The following CDC42BPA variants were observed in gnomAD, a reference collection of about 807,000 sequenced individuals.
CDC42BPA encodes CDC42 binding protein kinase alpha.
A neutral mutation model predicts 223.5 loss-of-function variants in CDC42BPA; 80 were observed. That is an observed-to-expected ratio of 0.36 (90% CI 0.30 to 0.43). The LOEUF is 0.43. Ranked by LOEUF, CDC42BPA falls within the 20% of genes least tolerant of loss-of-function variation. CDC42BPA has a pLI of 1.00. For missense variants in CDC42BPA, 1,743 were observed against 2,099.9 expected, an observed-to-expected ratio of 0.83 and a Z score of 3.32; for synonymous variants, 694 against 718.6, an observed-to-expected ratio of 0.97 and a Z score of 0.55.
chr1:227,241,258 G>A (rs1679965817), intron 2 of CDC42BPA, among the ~76,000 whole-genome samples: 1 of 151,938 alleles, frequency 6.6e-6, no homozygotes, highest in Non-Finnish European at 1.5e-5. Context: ...TATAAAAATG[G>A]TACAATCCAA....
chr1:227,098,869 A>G (rs1684473820), intron 15 of CDC42BPA, among the ~76,000 whole-genome samples: 1 of 152,020 alleles, frequency 6.6e-6, no homozygotes, highest in Non-Finnish European at 1.5e-5. Context: ...TTTTCTGCTC[A>G]GAATTCTACA....
chr1:227,145,151 T>A (rs541336459), intron 8 of CDC42BPA, among the ~76,000 whole-genome samples: 6 of 152,350 alleles, frequency 3.9e-5, no homozygotes, highest in Non-Finnish European at 8.8e-5. Context: ...TTTTATGGTT[T>A]TAGGGAGAAA....
At chr1:227,298,857 A>T (rs995623230) in intron 1 of CDC42BPA, among the ~76,000 whole-genome samples, 1 of 152,206 alleles carries the variant, frequency 6.6e-6, no homozygotes, top group Non-Finnish European at 1.5e-5. Flanking sequence ...ATAAAAAAGG[A>T]AAATTAATCA....
intron 1 of CDC42BPA, among the ~76,000 whole-genome samples, chr1:227,284,804 T>C (rs900275661): frequency 1.1e-4 from 17 of 151,628 alleles, no homozygotes; most frequent in African/African-American, 3.6e-4. Flanking sequence ...CTACCCAAAA[T>C]AGAAAAAATT....
chr1:227,114,047 A>T (rs1289448461), intron 12 of CDC42BPA, among the ~76,000 whole-genome samples: 1 of 150,456 alleles, frequency 6.6e-6, no homozygotes, highest in Non-Finnish European at 1.5e-5. Flanking sequence ...GAAGTGAAAA[A>T]ATATAAATGT....
chr1:227,249,358 G>C (rs915847874), intron 2 of CDC42BPA, among the ~76,000 whole-genome samples: 1 of 152,174 alleles, frequency 6.6e-6, no homozygotes, highest in African/African-American at 2.4e-5. Context: ...AAAATCTCCA[G>C]GACACTGGTC....
chr1:227,265,483 G>A (rs979339398), intron 1 of CDC42BPA, among the ~76,000 whole-genome samples: 48 of 152,040 alleles, frequency 3.2e-4, no homozygotes, highest in African/African-American at 1.1e-3. Context: ...AGGCCAAGGC[G>A]GGCGGAATTG....
At chr1:227,246,370 G>A (rs1462617746) in intron 2 of CDC42BPA, among the ~76,000 whole-genome samples, 1 of 151,576 alleles carries the variant, frequency 6.6e-6, no homozygotes. Context: ...GGACACACCC[G>A]GGGCCTGGGG....
chr1:227,301,858 G>C (rs1237969576), intron 1 of CDC42BPA, among the ~76,000 whole-genome samples: 1 of 151,636 alleles, frequency 6.6e-6, no homozygotes, highest in East Asian at 1.9e-4. Flanking sequence ...ATTTTAGTTA[G>C]ATAAATATTA....
intron 1 of CDC42BPA, among the ~76,000 whole-genome samples, chr1:227,267,679 C>G (rs1685225802): frequency 6.6e-6 from 1 of 152,164 alleles, no homozygotes; most frequent in African/African-American, 2.4e-5. Context: ...AACTTACAAT[C>G]ATGGCAGAAG....
rs1660499723 is a variant in CDC42BPA at position 226,989,871 on chromosome 1, TTC to T, written c.*4395_*4396del. 1.3e-5 allele frequency: 2 copies of T among 152,638 alleles called. No homozygotes were observed. The highest frequency in any genetic ancestry group is 2.9e-5 in the Non-Finnish European group (2 of 68,032). The allele number at this position is 152,638 out of a possible 1,614,324, so 9.5% of individuals were successfully genotyped here. On this transcript the variant is annotated 3_prime_UTR_variant, in exon 37 of 37. Transcript: ENST00000366766. ...GAGACAAAATACTCAATGCTAACAG[TTC>T]TCTGTTTTATTGCAATACAGCAAAG... is the stretch of plus-strand genomic sequence containing the variant.
chr1:227,295,606 ACTC>A (rs1690520342), intron 1 of CDC42BPA, among the ~76,000 whole-genome samples: 1 of 152,174 alleles, frequency 6.6e-6, no homozygotes, highest in African/African-American at 2.4e-5. Context: ...CTAACAAAAA[ACTC>A]AACCCCAATT....
At chr1:227,109,621 C>T (rs1686570563) in intron 14 of CDC42BPA, among the ~76,000 whole-genome samples, 1 of 152,124 alleles carries the variant, frequency 6.6e-6, no homozygotes, top group Non-Finnish European at 1.5e-5. Flanking sequence ...CTACCTCAGC[C>T]TCCCAAAGTG....
chr1:227,199,786 C>A, intron 3 of CDC42BPA, 134 bp from the exon 4 acceptor site: 1 of 459,792 alleles, frequency 2.2e-6, no homozygotes, highest in Non-Finnish European at 3.8e-6. Flanking sequence ...ATTTCAATAA[C>A]ACAAGTTTCA....
chr1:227,073,877 T>C lies in CDC42BPA; in HGVS notation c.2722A>G (p.Ile908Val). ...ATTCAATCTTACCATTCTGTTATGA[T>C]ATTAGATGCTTTAACTTTATTCAAC... The part of the protein sequence containing the change: ...EELNKVKASN[I>V]ITECKLKDSE... The change falls in exon 19 of 37, where the codon ATC (isoleucine) becomes GTC (valine). Residue 908 changes from isoleucine to valine, a missense_variant. Ile to Val is a conservative substitution (Grantham distance 29). This residue lies in a region of CDC42BPA where 678 missense variants were observed against 777.5 expected (regional missense o/e 0.87). Transcript: ENST00000366766. 7 of 1,598,306 alleles carry C rather than the reference T, an allele frequency of 4.4e-6. No individual in the cohort carries two copies. Among genetic ancestry groups the C allele is most frequent in the Non-Finnish European group, 6.0e-6 (7 of 1,174,768 alleles).
intron 21 of CDC42BPA, among the ~76,000 whole-genome samples, chr1:227,065,963 A>C (rs1038265464): frequency 6.6e-6 from 1 of 152,218 alleles, no homozygotes; most frequent in East Asian, 1.9e-4. Flanking sequence ...AACGAGACAG[A>C]AAACAAAAAA....
intron 20 of CDC42BPA, among the ~76,000 whole-genome samples, chr1:227,070,644 G>A (rs1005088824): frequency 1.3e-5 from 2 of 151,766 alleles, no homozygotes; most frequent in Non-Finnish European, 3.0e-5. Flanking sequence ...CAAATATTGA[G>A]AGTGTGCCAG....
At chr1:227,187,132 ATC>A (rs1668902304) in intron 5 of CDC42BPA, among the ~76,000 whole-genome samples, 1 of 152,212 alleles carries the variant, frequency 6.6e-6, no homozygotes, top group Non-Finnish European at 1.5e-5. Flanking sequence ...ACAACATCAT[ATC>A]TGTCTTTCAA....
chr1:227,026,060 T>G lies in CDC42BPA; in HGVS notation c.4525A>C (p.Lys1509Gln), dbSNP rs756148552. ...SMEWIQTLPL[K>Q]KVRPLNNEGS... The stretch of plus-strand genomic sequence containing the variant: ...ACATTTTAATGTTAAATTACCTTTT[T>G]GAGAGGAAGAGTCTGAATCCATTCC... Residue 1509 changes from lysine to glutamine, a missense_variant, in exon 31 of 37, where the codon AAA (lysine) becomes CAA (glutamine). Lys to Gln is a moderately conservative substitution (Grantham distance 53). Coordinates refer to ENST00000366766, the MANE Select transcript of CDC42BPA (RefSeq NM_001394014.1). 18 of 1,568,462 alleles carry G rather than the reference T, an allele frequency of 1.1e-5. No individual in the cohort carries two copies. Among genetic ancestry groups the G allele is most frequent in the South Asian group, 1.0e-4 (9 of 89,026 alleles).
Sources: gnomAD v4.1 joint callset for allele counts (sites outside exome capture counted in the v4.1 genomes callset) on GRCh38, gnomAD v4.1.1 for gene constraint, gnomAD v4.1.1 regional missense constraint, MANE v1.5 for transcripts, NCBI Gene and HGNC (gene_info 2026-07-23, HGNC 2026-07-21) for gene names.